NXNL2: variants seen among roughly 807,000 people sequenced by gnomAD.
NXNL2 encodes nucleoredoxin like 2.
In NXNL2, 7 loss-of-function variants were observed where a neutral mutation model predicts 11.1. The observed-to-expected ratio is 0.63, with a 90% CI of 0.36 to 1.18. The LOEUF (loss-of-function observed/expected upper bound fraction) is 1.18. Ranked by LOEUF, NXNL2 falls within the 50% of genes most tolerant of loss-of-function variation. The pLI, the probability that NXNL2 is intolerant of heterozygous loss-of-function variation, is 0.02. For synonymous variants in NXNL2, 109 were observed against 101.8 expected, an observed-to-expected ratio of 1.07 and a Z score of -0.42; for missense variants, 233 against 217.7, an observed-to-expected ratio of 1.07 and a Z score of -0.44.
intron 1 of NXNL2, among the ~76,000 whole-genome samples, chr9:88,554,912 G>A (rs1215308371): frequency 2.0e-5 from 3 of 152,174 alleles, no homozygotes; most frequent in Non-Finnish European, 4.4e-5. Flanking sequence ...TCTTATTATA[G>A]CTTAACTCTC....
At chr9:88,580,630 C>CCTTA (rs1159514918), downstream of NXNL2, among the ~76,000 whole-genome samples, 1 of 152,030 alleles carries the variant, frequency 6.6e-6, no homozygotes, top group Non-Finnish European at 1.5e-5. Context: ...TTTCTGTATG[C>CCTTA]CTTACCCCAG....
chr9:88,540,851 A>T (rs1829742036), intron 1 of NXNL2, among the ~76,000 whole-genome samples: 1 of 151,078 alleles, frequency 6.6e-6, no homozygotes, highest in South Asian at 2.1e-4. Flanking sequence ...GGTTCAGTCC[A>T]CACTGGGCCT....
intron 1 of NXNL2, among the ~76,000 whole-genome samples, chr9:88,570,319 T>C (rs1231402857): frequency 6.6e-6 from 1 of 152,154 alleles, no homozygotes; most frequent in African/African-American, 2.4e-5. Context: ...GGTTTCACCA[T>C]GTTGGCCAGG....
chr9:88,548,437 G>A (rs1391260917), downstream of NXNL2, among the ~76,000 whole-genome samples: 1 of 146,382 alleles, frequency 6.8e-6, no homozygotes, highest in Non-Finnish European at 1.5e-5. Flanking sequence ...GCCAAGGTGT[G>A]TGGATCACGA....
At chr9:88,565,438 A>G (rs1201820068) in intron 1 of NXNL2, among the ~76,000 whole-genome samples, 2 of 152,292 alleles carry the variant, frequency 1.3e-5, no homozygotes, top group Admixed American at 1.3e-4. Context: ...ATTGTTCCAT[A>G]TTGTTTTCCA....
At chr9:88,566,842 T>C (rs1830176756) in intron 1 of NXNL2, among the ~76,000 whole-genome samples, 1 of 152,228 alleles carries the variant, frequency 6.6e-6, no homozygotes, top group African/African-American at 2.4e-5. Context: ...AAGTATTTTA[T>C]TTCTTTTGAT....
At chr9:88,561,555 T>A (rs1159855838) in intron 1 of NXNL2, among the ~76,000 whole-genome samples, 1 of 152,002 alleles carries the variant, frequency 6.6e-6, no homozygotes, top group Non-Finnish European at 1.5e-5. Flanking sequence ...CATGGGACAA[T>A]GACACACACA....
intron 1 of NXNL2, among the ~76,000 whole-genome samples, chr9:88,553,239 A>G (rs998240376): frequency 1.3e-5 from 2 of 152,144 alleles, no homozygotes; most frequent in African/African-American, 2.4e-5. Context: ...CCAGCTACTC[A>G]GGAGGCTGAG....
chr9:88,561,221 C>G (rs889850564), intron 1 of NXNL2, among the ~76,000 whole-genome samples: 5 of 152,110 alleles, frequency 3.3e-5, no homozygotes, highest in African/African-American at 1.2e-4. Flanking sequence ...ATGGAACGGG[C>G]CTAGCCTCCC....
chr9:88,575,991 G>C (rs562952101), downstream of NXNL2, among the ~76,000 whole-genome samples: 1 of 152,216 alleles, frequency 6.6e-6, no homozygotes, highest in Admixed American at 6.5e-5. Context: ...TCAGGAGTTC[G>C]AGATCAGCCT....
intron 1 of NXNL2, among the ~76,000 whole-genome samples, chr9:88,552,709 T>C (rs899016802): frequency 4.6e-5 from 7 of 152,136 alleles, no homozygotes; most frequent in African/African-American, 1.7e-4. Context: ...GACCTCGTGA[T>C]CCGCCCACCT....
intron 1 of NXNL2, among the ~76,000 whole-genome samples, chr9:88,539,479 G>C (rs1587839995): frequency 1.3e-5 from 2 of 152,186 alleles, no homozygotes; most frequent in East Asian, 3.9e-4. Flanking sequence ...GTCCCACCTG[G>C]TCTGGCCCCA....
chr9:88,570,910 T>G (rs1050739161), intron 1 of NXNL2, among the ~76,000 whole-genome samples: 7 of 151,348 alleles, frequency 4.6e-5, no homozygotes, highest in Non-Finnish European at 8.8e-5. Flanking sequence ...GCCTGGCTAA[T>G]TTTTGTATTT....
intron 1 of NXNL2, among the ~76,000 whole-genome samples, chr9:88,536,301 G>C (rs2118384810): frequency 6.6e-6 from 1 of 152,336 alleles, no homozygotes; most frequent in South Asian, 2.1e-4. Context: ...CAGGAACCCA[G>C]GTGCTGGCCA....
intron 1 of NXNL2, among the ~76,000 whole-genome samples, chr9:88,569,953 T>C (rs774428299): frequency 6.6e-5 from 10 of 152,296 alleles, no homozygotes; most frequent in Non-Finnish European, 8.8e-5. Context: ...CAATGTGCTG[T>C]CTTTTCTGCA....
chr9:88,569,400 C>A (rs1354070483), intron 1 of NXNL2, among the ~76,000 whole-genome samples: 6 of 152,182 alleles, frequency 3.9e-5, no homozygotes, highest in Non-Finnish European at 7.3e-5. Flanking sequence ...TTCTTGCCAG[C>A]AACCTTATTG....
At chr9:88,543,404 CTA>C (rs1324414956) in intron 1 of NXNL2, among the ~76,000 whole-genome samples, 2 of 151,950 alleles carry the variant, frequency 1.3e-5, no homozygotes, top group African/African-American at 4.8e-5. Flanking sequence ...GTAGCTGGGA[CTA>C]TAGGTGCATG....
chr9:88,546,996 A>G (rs551433451), downstream of NXNL2, among the ~76,000 whole-genome samples: 2 of 152,244 alleles, frequency 1.3e-5, no homozygotes, highest in South Asian at 4.1e-4. Context: ...TTTCATCTTT[A>G]TACACTTGCC....
intron 1 of NXNL2, among the ~76,000 whole-genome samples, chr9:88,557,519 T>G (rs762756910): frequency 7.2e-5 from 11 of 152,136 alleles, no homozygotes; most frequent in Non-Finnish European, 1.2e-4. Context: ...GCTGTCAGAG[T>G]CATTCCAATT....
Sources: allele counts gnomAD v4.1 joint callset (sites outside exome capture counted in the v4.1 genomes callset), GRCh38; gene constraint gnomAD v4.1.1; transcripts MANE v1.5; gene names NCBI Gene and HGNC (gene_info 2026-07-23, HGNC 2026-07-21).